Variants in PCNX4 observed in about 807,000 individuals in gnomAD.
PCNX4 encodes the protein pecanex-like protein 4.
In PCNX4, 103 loss-of-function variants were observed where a neutral mutation model predicts 107.2. The observed-to-expected ratio is 0.96, with a 90% CI of 0.82 to 1.13. The LOEUF (loss-of-function observed/expected upper bound fraction) is 1.13, where lower values mean the gene tolerates loss of function less well. PCNX4 is among the 50% of genes most tolerant of loss of function. The pLI is 0.00. For missense variants in PCNX4, 1,528 were observed against 1,379.4 expected (o/e 1.11, Z -1.71); for synonymous variants, 541 against 481.7 (o/e 1.12, Z -1.61).
intron 1 of PCNX4, among the ~76,000 whole-genome samples, chr14:60,092,765 T>C (rs929325154): frequency 1.2e-4 from 19 of 152,176 alleles, no homozygotes; most frequent in Non-Finnish European, 2.6e-4. Flanking sequence ...AAACCTCTTT[T>C]GTCCGAATTG....
In PCNX4 at chr14:60,136,923, C is replaced by G. The variant is rs1439872655; in HGVS notation, c.*2702C>G. The G allele has an allele frequency of 6.6e-6, 1 of 152,468 alleles. No individual in the cohort carries two copies. The highest frequency in any genetic ancestry group is 1.5e-5 in the Non-Finnish European group (1 of 68,030). 9.4% of individuals were successfully genotyped at this position (152,468 alleles called of 1,614,324 possible). On this transcript the variant is annotated 3_prime_UTR_variant, in exon 11 of 11. Transcript: ENST00000406854. ...CCCCTGTGAAATGTTTTACTTTGAT[C>G]AAGGTCTGCAAAATAGCGGGGAGCT... is the stretch of plus-strand genomic sequence containing the variant.
At chr14:60,104,313 C>A (rs1895589124) in intron 1 of PCNX4, among the ~76,000 whole-genome samples, 1 of 119,462 alleles carries the variant, frequency 8.4e-6, no homozygotes, top group Non-Finnish European at 1.6e-5. Context: ...AGCAAGACTC[C>A]ATCTCAAAAA....
At chr14:60,103,927 A>C (rs1314993065) in intron 1 of PCNX4, among the ~76,000 whole-genome samples, 4 of 152,316 alleles carry the variant, frequency 2.6e-5, no homozygotes, top group African/African-American at 9.6e-5. Context: ...ATTATTCCGT[A>C]AAAAATAAGT....
chr14:60,123,126 T>C (rs1355735026), intron 8 of PCNX4, among the ~76,000 whole-genome samples: 5 of 152,172 alleles, frequency 3.3e-5, no homozygotes, highest in African/African-American at 7.2e-5. Flanking sequence ...TGAGGACATT[T>C]TGATTACTTA....
In PCNX4 at chr14:60,124,868, C is replaced by A; in HGVS notation, c.2697C>A (p.Leu899=). The A allele has an allele frequency of 6.2e-7, 1 of 1,613,804 alleles. No individual in the cohort carries two copies. Among genetic ancestry groups the A allele is most frequent in the South Asian group, 1.1e-5 (1 of 91,078 alleles). ...GKQEDMPYIP[L]MEFSCSHSHL... is the part of the protein sequence containing the mutation. ...AAGAGGACATGCCATATATTCCTCTCATGGAGTTCAGTTGTTCACATTCTC... is the reference window on the plus strand; with the variant it reads ...AAGAGGACATGCCATATATTCCTCTAATGGAGTTCAGTTGTTCACATTCTC... Residue 899 remains leucine (L), a synonymous_variant, in exon 9 of 11, where the codon CTC becomes CTA. Coordinates refer to ENST00000406854, the MANE Select transcript of PCNX4 (RefSeq NM_001330177.2).
At chr14:60,127,250 T>A (rs567737885) in intron 10 of PCNX4, among the ~76,000 whole-genome samples, 1 of 152,288 alleles carries the variant, frequency 6.6e-6, no homozygotes, top group Non-Finnish European at 1.5e-5. Flanking sequence ...CTGGCTAGAT[T>A]TTTTTCAGGG....
chr14:60,145,066 T>G lies in PCNX4; in HGVS notation c.*10845T>G. 1.6e-6 allele frequency: 2 copies of G among 1,261,416 alleles called. No homozygotes were observed. Among genetic ancestry groups the G allele is most frequent in the Non-Finnish European group, 2.1e-6 (2 of 934,178 alleles). The allele number at this position is 1,261,416 out of a possible 1,614,324, so 78.1% of individuals were successfully genotyped here. A position where few individuals can be genotyped will look rare whatever the true frequency, so the allele number is the denominator to read the frequency against. ...CAGTACCTACTCCTATTTACTCCAG[T>G]TTTTAACATTTAAGTCCTTCTGTTT... On this transcript the variant is annotated 3_prime_UTR_variant, in exon 11 of 11. Transcript: ENST00000406854. This position sits in a 1 kb window ranked among gnomAD's most constrained non-coding sequence, Gnocchi z 4.0.
chr14:60,099,559 C>T (rs1895490319), intron 1 of PCNX4, among the ~76,000 whole-genome samples: 1 of 152,034 alleles, frequency 6.6e-6, no homozygotes, highest in African/African-American at 2.4e-5. Flanking sequence ...GGATTGTAAC[C>T]TTTGGGTTAG....
intron 1 of PCNX4, among the ~76,000 whole-genome samples, chr14:60,097,548 T>C (rs1192274407): frequency 1.3e-5 from 2 of 152,216 alleles, no homozygotes; most frequent in Non-Finnish European, 1.5e-5. Flanking sequence ...CAAAAGATAA[T>C]ATGTGGGCCT....
At chr14:60,114,913 T>C (rs1895813641) in intron 3 of PCNX4, 34 bp downstream of exon 3, 1 of 1,570,232 alleles carries the variant, frequency 6.4e-7, no homozygotes, top group East Asian at 2.3e-5. Context: ...TTATATGTAA[T>C]ATTCTTAAAG....
intron 1 of PCNX4, among the ~76,000 whole-genome samples, chr14:60,104,689 G>A (rs1895597868): frequency 6.6e-6 from 1 of 152,146 alleles, no homozygotes; most frequent in African/African-American, 2.4e-5. Flanking sequence ...AGAACCGAGT[G>A]GAAGGGGTTT....
intron 10 of PCNX4, among the ~76,000 whole-genome samples, chr14:60,127,523 T>C (rs1896077839): frequency 6.6e-6 from 1 of 152,070 alleles, no homozygotes; most frequent in African/African-American, 2.4e-5. Flanking sequence ...CTATGAGAGG[T>C]CATATCTGAG....
chr14:60,096,122 A>AACGAAGGTTTTGGGTGTG (rs1386329617), intron 1 of PCNX4, among the ~76,000 whole-genome samples: 4 of 146,144 alleles, frequency 2.7e-5, no homozygotes, highest in Admixed American at 7.1e-5. Context: ...CTGATTGATT[A>AACGAAGGTTTTGGGTGTG]ACGAAGGTTT....
At position 60,145,850 on chromosome 14, in the gene PCNX4, A is replaced by G. The variant is rs1896392416; in HGVS notation, c.*11629A>G. 1 of 152,058 alleles carries G rather than the reference A, an allele frequency of 6.6e-6. No homozygotes were observed. Among genetic ancestry groups the G allele is most frequent in the South Asian group, 2.1e-4 (1 of 4,830 alleles). 9.4% of individuals were successfully genotyped at this position (152,058 alleles called of 1,614,324 possible). The stretch of plus-strand genomic sequence containing the variant: ...AAAATAATAATAATGATAATACAAA[A>G]TTCAGTGTAGCCACTGTTCTTGATC... On this transcript the variant is annotated 3_prime_UTR_variant, in exon 11 of 11. Transcript: ENST00000406854. This position sits in a 1 kb window ranked among gnomAD's most constrained non-coding sequence, Gnocchi z 4.0.
chr14:60,104,584 TTA>T (rs1252576462), intron 1 of PCNX4, among the ~76,000 whole-genome samples: 1 of 152,116 alleles, frequency 6.6e-6, no homozygotes, highest in Non-Finnish European at 1.5e-5. Context: ...AAAAAGAGGT[TTA>T]ATGTACTCAC....
At chr14:60,115,548 GTAT>G in intron 4 of PCNX4, 87 bp downstream of exon 4, 2 of 1,443,734 alleles carry the variant, frequency 1.4e-6, no homozygotes, top group Non-Finnish European at 9.3e-7. Flanking sequence ...TATTTGTGTG[GTAT>G]TATACCATAT....
At chr14:60,103,846 C>G (rs1299043267) in intron 1 of PCNX4, among the ~76,000 whole-genome samples, 1 of 152,182 alleles carries the variant, frequency 6.6e-6, no homozygotes, top group African/African-American at 2.4e-5. Flanking sequence ...TCATCCTGCT[C>G]CTGTGTTGCT....
Position 60,134,115 on chromosome 14 carries a change from T to C in PCNX4, c.3413T>C (p.Ile1138Thr). 13 of 1,613,866 alleles carry C rather than the reference T, an allele frequency of 8.1e-6. No individual in the cohort carries two copies. Among genetic ancestry groups the C allele is most frequent in the Non-Finnish European group, 1.1e-5 (13 of 1,179,802 alleles). ...ATNDDEERYS[I>T]QAHPLLLRNL... ...AACGATGATGAAGAACGTTATAGTA[T>C]ACAAGCTCATCCACTACTTTTAAGA... Residue 1138 changes from isoleucine to threonine, a missense_variant, in exon 11 of 11, where the codon ATA becomes ACA. Physicochemically the swap from Ile to Thr is moderately conservative, Grantham distance 89. Transcript: ENST00000406854.
At chr14:60,105,440 C>G (rs142364432) in intron 1 of PCNX4, among the ~76,000 whole-genome samples, 12 of 152,280 alleles carry the variant, frequency 7.9e-5, no homozygotes, top group African/African-American at 2.6e-4. Flanking sequence ...TTAAATGTTA[C>G]AGATAAAATA....
Sources: allele counts gnomAD v4.1 joint callset (sites outside exome capture counted in the v4.1 genomes callset), GRCh38; gene constraint gnomAD v4.1.1; non-coding constraint Gnocchi (gnomAD v3.1); transcripts MANE v1.5; gene names NCBI Gene and HGNC (gene_info 2026-07-23, HGNC 2026-07-21).